AGFG1: variants seen among roughly 807,000 people sequenced by gnomAD.
The protein encoded by AGFG1 is arf-GAP domain and FG repeat-containing protein 1.
In AGFG1, 10 loss-of-function variants were observed where a neutral mutation model predicts 60.6. The observed-to-expected ratio is 0.16, with a 90% CI of 0.10 to 0.28. The LOEUF (loss-of-function observed/expected upper bound fraction) is 0.28. Among genes scored for constraint, AGFG1 ranks in the 10% least tolerant of loss-of-function variants. The pLI, the probability that AGFG1 is intolerant of heterozygous loss-of-function variation, is 1.00. For missense variants in AGFG1, 537 were observed against 676.5 expected (o/e 0.79, Z 2.29); for synonymous variants, 247 against 242.9 (o/e 1.02, Z -0.16).
rs1341736856 is a variant in AGFG1 at position 227,472,569 on chromosome 2, A to G, written c.148A>G (p.Thr50Ala). The G allele has an allele frequency of 4.4e-6, 7 of 1,576,088 alleles. No individual in the cohort carries two copies. The highest frequency in any genetic ancestry group is 2.5e-5 in the East Asian group (1 of 39,990). ...CATGACGGTCGGCTCCTTCGTGTGTACCTCCTGCTCCGGCAGCCTGTGAGT... is the reference window on the plus strand; with the variant it reads ...CATGACGGTCGGCTCCTTCGTGTGTGCCTCCTGCTCCGGCAGCCTGTGAGT... ...VNMTVGSFVC[T>A]SCSGSLRGLN... Residue 50 changes from threonine (T) to alanine (A), a missense_variant, in exon 1 of 13, where the codon ACC becomes GCC. By Grantham distance (58) the Thr-to-Ala change is moderately conservative. This residue lies in a region of AGFG1 where 120 missense variants were observed against 198.5 expected (regional missense o/e 0.60). Transcript: ENST00000310078.
chr2:227,527,041 T>C (rs1692014881), intron 5 of AGFG1, among the ~76,000 whole-genome samples: 1 of 152,192 alleles, frequency 6.6e-6, no homozygotes, highest in African/African-American at 2.4e-5. Context: ...AAAAATTGAT[T>C]ATTGAAGTAT....
chr2:227,516,465 CCGATTAA>C (rs1299070466), intron 2 of AGFG1, among the ~76,000 whole-genome samples: 1 of 152,110 alleles, frequency 6.6e-6, no homozygotes, highest in East Asian at 1.9e-4. Context: ...GAAATTAGAG[CCGATTAA>C]TAACTTTGAG....
intron 2 of AGFG1, among the ~76,000 whole-genome samples, chr2:227,518,732 G>T (rs1331665884): frequency 6.6e-6 from 1 of 151,856 alleles, no homozygotes; most frequent in Non-Finnish European, 1.5e-5. Context: ...CACCATTTTG[G>T]CCAGTCTAGT....
chr2:227,526,220 G>A (rs1435526695), intron 5 of AGFG1, among the ~76,000 whole-genome samples: 2 of 151,952 alleles, frequency 1.3e-5, no homozygotes, highest in Non-Finnish European at 1.5e-5. Flanking sequence ...TTTATTTGAG[G>A]TGGAGTCTCG....
rs753257398 is a variant in AGFG1 at position 227,552,069 on chromosome 2, G to T, written c.1489G>T (p.Ala497Ser). ...SGSFQQPAFP[A>S]QAAFPQQTAF... ...CAGCTTTCAGCAGCCTGCCTTTCCA[G>T]CCCAAGCAGCTTTCCCTCAACAGAC... The change falls in exon 11 of 13, where the codon GCC becomes TCC. Residue 497 changes from alanine (A) to serine (S), a missense_variant. By Grantham distance (99) the Ala-to-Ser change is moderately conservative. This residue lies in a region of AGFG1 where 287 missense variants were observed against 343.6 expected (regional missense o/e 0.84). Transcript: ENST00000310078. 1 of 1,614,126 alleles carries T rather than the reference G, an allele frequency of 6.2e-7. No homozygotes were observed. The highest frequency in any genetic ancestry group is 1.1e-5 in the South Asian group (1 of 91,086).
chr2:227,521,114 G>A (rs1691814085), intron 3 of AGFG1, among the ~76,000 whole-genome samples: 1 of 152,012 alleles, frequency 6.6e-6, no homozygotes, highest in African/African-American at 2.4e-5. Flanking sequence ...CACCTAGGCT[G>A]GAGTGCAATG....
intron 5 of AGFG1, among the ~76,000 whole-genome samples, chr2:227,525,747 A>C (rs1691973186): frequency 6.6e-6 from 1 of 152,210 alleles, no homozygotes; most frequent in Non-Finnish European, 1.5e-5. Context: ...GGATCCAGAG[A>C]CTTAATCAGT....
At chr2:227,484,688 GTTTTTTT>G (rs745570416) in intron 1 of AGFG1, among the ~76,000 whole-genome samples, 88 of 25,118 alleles carry the variant, frequency 3.5e-3, no homozygotes, top group African/African-American at 9.2e-3. Context: ...TTTTTTTTTT[GTTTTTTT>G]TTTTTTTTTT....
intron 2 of AGFG1, among the ~76,000 whole-genome samples, chr2:227,503,336 A>G (rs1292759752): frequency 6.6e-6 from 1 of 152,126 alleles, no homozygotes; most frequent in Non-Finnish European, 1.5e-5. Context: ...ATGCCATACA[A>G]CACTGTCTTT....
At chr2:227,554,167 C>T (rs1271007085) in intron 12 of AGFG1, among the ~76,000 whole-genome samples, 5 of 152,228 alleles carry the variant, frequency 3.3e-5, no homozygotes, top group East Asian at 3.9e-4. Context: ...TTGAATCACA[C>T]GTGCTTTTCT....
At chr2:227,488,407 G>GTA (rs1486911434) in intron 1 of AGFG1, among the ~76,000 whole-genome samples, 2 of 152,202 alleles carry the variant, frequency 1.3e-5, no homozygotes, top group Non-Finnish European at 2.9e-5. Flanking sequence ...AAGTATACGG[G>GTA]TATAGTTGTT....
chr2:227,484,715 T>G (rs780902850), intron 1 of AGFG1, among the ~76,000 whole-genome samples: 6,778 of 120,318 alleles, frequency 0.056, 208 homozygotes, highest in African/African-American at 0.097. Context: ...TTTTTTTTTT[T>G]TTTTTTGAGA....
chr2:227,526,355 G>A (rs1454875184), intron 5 of AGFG1, among the ~76,000 whole-genome samples: 1 of 150,010 alleles, frequency 6.7e-6, no homozygotes, highest in Non-Finnish European at 1.5e-5. Flanking sequence ...CACAGCACCC[G>A]AAATTATATA....
chr2:227,483,480 T>G (rs1186830725), intron 1 of AGFG1, among the ~76,000 whole-genome samples: 9 of 152,082 alleles, frequency 5.9e-5, no homozygotes, highest in African/African-American at 1.9e-4. Flanking sequence ...CCCAAAAAAC[T>G]TTTAGCCCTT....
intron 2 of AGFG1, among the ~76,000 whole-genome samples, chr2:227,509,453 G>A (rs1046150936): frequency 6.6e-6 from 1 of 152,026 alleles, no homozygotes; most frequent in Non-Finnish European, 1.5e-5. Flanking sequence ...TAAGATTACT[G>A]ACTAATCTTT....
chr2:227,534,402 G>GT (rs1692248731), intron 7 of AGFG1, among the ~76,000 whole-genome samples: 1 of 152,178 alleles, frequency 6.6e-6, no homozygotes, highest in Admixed American at 6.5e-5. Context: ...CTAGCACATA[G>GT]TAAGTCCTCA....
intron 2 of AGFG1, among the ~76,000 whole-genome samples, chr2:227,500,799 AT>A (rs200944162): frequency 0.02 from 2,929 of 149,570 alleles, 60 homozygotes; most frequent in Middle Eastern, 0.075. Context: ...TAAAAAAAAA[AT>A]TTTTTTTTTG....
chr2:227,518,086 GTTTC>G (rs1424953590), intron 2 of AGFG1, among the ~76,000 whole-genome samples: 2 of 152,270 alleles, frequency 1.3e-5, no homozygotes, highest in East Asian at 1.9e-4. Context: ...GGGTGCACAT[GTTTC>G]TTTCAGCATA....
intron 1 of AGFG1, among the ~76,000 whole-genome samples, chr2:227,484,249 C>T (rs1366892336): frequency 3.3e-5 from 5 of 150,930 alleles, no homozygotes; most frequent in Admixed American, 3.3e-4. Context: ...AGTGCAGTGG[C>T]GTGATCTCGG....
Sources: allele counts gnomAD v4.1 joint callset (sites outside exome capture counted in the v4.1 genomes callset), GRCh38; gene constraint gnomAD v4.1.1; regional missense constraint gnomAD v4.1.1; transcripts MANE v1.5; gene names NCBI Gene and HGNC (gene_info 2026-07-23, HGNC 2026-07-21).